TARS3: variants seen among roughly 807,000 people sequenced by gnomAD.
TARS3 encodes the protein threonine--tRNA ligase 2, cytoplasmic.
Under a neutral mutation model 103.5 loss-of-function variants are expected in TARS3, and 94 were observed. That is an observed-to-expected ratio of 0.91 (90% CI 0.77 to 1.08). TARS3 has a LOEUF of 1.08. Ranked by LOEUF, TARS3 falls within the 50% of genes least tolerant of loss-of-function variation. The probability of loss-of-function intolerance (pLI) is 0.00; values close to 1 mark genes in which losing one functional copy is unlikely to be tolerated. For missense variants in TARS3, 952 were observed against 995.2 expected (o/e 0.96, Z 0.58); for synonymous variants, 416 against 355.4 (o/e 1.17, Z -1.92).
intron 5 of TARS3, among the ~76,000 whole-genome samples, chr15:101,709,630 A>G (rs938785741): frequency 6.6e-6 from 1 of 152,100 alleles, no homozygotes; most frequent in Non-Finnish European, 1.5e-5. Context: ...TGATGTTCCT[A>G]TAGTCATCAC....
intron 12 of TARS3, among the ~76,000 whole-genome samples, chr15:101,678,830 C>T (rs545019514): frequency 6.6e-6 from 1 of 152,264 alleles, no homozygotes; most frequent in South Asian, 2.1e-4. Context: ...AGAAAACTTC[C>T]TACAGCCATT....
chr15:101,706,589 A>G (rs1014096651), intron 6 of TARS3, among the ~76,000 whole-genome samples: 1 of 152,204 alleles, frequency 6.6e-6, no homozygotes, highest in Non-Finnish European at 1.5e-5. Flanking sequence ...ATTAATCAAT[A>G]AAATTCTGAC....
chr15:101,700,449 T>C (rs1312736023), intron 10 of TARS3, among the ~76,000 whole-genome samples: 1 of 152,230 alleles, frequency 6.6e-6, no homozygotes, highest in African/African-American at 2.4e-5. Flanking sequence ...TAACACTCTG[T>C]ACCAGAGACG....
intron 7 of TARS3, among the ~76,000 whole-genome samples, chr15:101,705,231 T>G (rs1344997495): frequency 6.6e-6 from 1 of 152,238 alleles, no homozygotes; most frequent in East Asian, 1.9e-4. Flanking sequence ...TCTTTTGGTC[T>G]CATCATGAGT....
chr15:101,666,387 A>C (rs1897580382), intron 15 of TARS3, among the ~76,000 whole-genome samples: 1 of 151,170 alleles, frequency 6.6e-6, no homozygotes, highest in Non-Finnish European at 1.5e-5. Context: ...GAGGCAGAAG[A>C]ATTGCTTGAA....
rs963051549 is a variant in TARS3 at position 101,665,434 on chromosome 15, C to T, written c.1968-3618G>A. On this transcript the variant is annotated intron_variant, in intron 15 of 18. Coordinates refer to ENST00000335968, the MANE Select transcript of TARS3 (RefSeq NM_152334.3). ...TAAAAAATAAAACCCCCAAACTAAG[C>T]AGTTCATCAAAATATTTCAGCCTAC... 2.0e-5 allele frequency among the ~76,000 whole-genome samples: 3 copies of T among 152,286 alleles called. No individual in the cohort carries two copies. In the East Asian group the frequency reaches 5.8e-4, roughly 29 times the overall value.
chr15:101,685,807 T>C, intron 11 of TARS3, 89 bp downstream of exon 11: 1 of 1,090,212 alleles, frequency 9.2e-7, no homozygotes, highest in East Asian at 2.6e-5. Context: ...TTAAAGGGAC[T>C]CTTTCATTCC....
chr15:101,708,519 A>T (rs1352547153), intron 6 of TARS3, among the ~76,000 whole-genome samples: 1 of 152,198 alleles, frequency 6.6e-6, no homozygotes, highest in Non-Finnish European at 1.5e-5. Context: ...TAGGTGACAG[A>T]TATTCACAAT....
chr15:101,660,205 C>T (rs1897325469), intron 16 of TARS3, among the ~76,000 whole-genome samples: 1 of 152,102 alleles, frequency 6.6e-6, no homozygotes, highest in South Asian at 2.1e-4. Flanking sequence ...GCAGTGGGGG[C>T]AGTAGTTTCT....
Position 101,724,136 on chromosome 15 carries a change from C to G in TARS3, c.252G>C (p.Thr84=). 1 of 1,441,148 alleles carries G rather than the reference C, an allele frequency of 6.9e-7. No individual in the cohort carries two copies. Among genetic ancestry groups the G allele is most frequent in the African/African-American group, 1.5e-5 (1 of 67,890 alleles). 89.3% of individuals were successfully genotyped at this position (1,441,148 alleles called of 1,614,324 possible). A position where few individuals can be genotyped will look rare whatever the true frequency, so the allele number is the denominator to read the frequency against. The change falls in exon 1 of 19, where the codon ACG becomes ACC. Residue 84 remains threonine (T), a synonymous_variant. Transcript: ENST00000335968. ...CCGCCTCTAGCTCCGCGCTCTCCAG[C>G]GTGGCCTGGCGGCTCCGCTCCTCGG... is the stretch of plus-strand genomic sequence containing the variant. ...CLAEERSRQA[T]LESAELEAAQ...
chr15:101,674,923 C>G (rs1260921792), intron 13 of TARS3, among the ~76,000 whole-genome samples: 1 of 152,120 alleles, frequency 6.6e-6, no homozygotes, highest in Non-Finnish European at 1.5e-5. Context: ...GGGTTTTGGG[C>G]ATCCACTTGG....
At chr15:101,666,071 A>C (rs1044797372) in intron 15 of TARS3, among the ~76,000 whole-genome samples, 3 of 152,212 alleles carry the variant, frequency 2.0e-5, no homozygotes, top group Admixed American at 2.0e-4. Flanking sequence ...CCTCACTGTA[A>C]GCATCAAAAT....
chr15:101,661,610 ATTTT>A (rs199969469), intron 16 of TARS3, 98 bp downstream of exon 16: 29 of 764,870 alleles, frequency 3.8e-5, no homozygotes, highest in Non-Finnish European at 5.0e-5. Context: ...TTTACACATG[ATTTT>A]TTAAGAATAG....
intron 3 of TARS3, among the ~76,000 whole-genome samples, chr15:101,718,234 G>A (rs1900258688): frequency 6.6e-6 from 1 of 152,106 alleles, no homozygotes; most frequent in African/African-American, 2.4e-5. Context: ...TGGGTGTGGT[G>A]GCGCATGCCT....
chr15:101,676,704 G>A (rs1413510799), intron 12 of TARS3, among the ~76,000 whole-genome samples: 2 of 150,670 alleles, frequency 1.3e-5, no homozygotes. Flanking sequence ...AAGGGGTTTC[G>A]CCATGTTGGC....
intron 16 of TARS3, among the ~76,000 whole-genome samples, chr15:101,660,398 T>C (rs577605766): frequency 1.1e-4 from 16 of 152,366 alleles, no homozygotes; most frequent in Non-Finnish European, 1.9e-4. Flanking sequence ...TCTGAATGCA[T>C]GGTGATAGTA....
In TARS3 at chr15:101,703,852, T is replaced by C; in HGVS notation, c.1074+7A>G. On this transcript the variant is annotated splice_region_variant and intron_variant, in intron 8 of 18. Coordinates refer to ENST00000335968, the MANE Select transcript of TARS3 (RefSeq NM_152334.3). ...GTTTACTGTATTAAAAAAAAATCAA[T>C]CCTTACCTTAAAAATTTTGATGGTT... 1 of 1,601,480 alleles carries C rather than the reference T, an allele frequency of 6.2e-7. No individual in the cohort carries two copies. The highest frequency in any genetic ancestry group is 1.1e-5 in the South Asian group (1 of 90,466).
intron 2 of TARS3, among the ~76,000 whole-genome samples, chr15:101,722,217 CTTTT>C (rs55694230): frequency 1.4e-5 from 2 of 138,712 alleles, no homozygotes; most frequent in Non-Finnish European, 1.5e-5. Context: ...TGGCATCTCC[CTTTT>C]TTTTTTTTTT....
In TARS3 at chr15:101,657,054, A is replaced by AGTAAAGGTGTTT; in HGVS notation, c.2146-19_2146-18insAAACACCTTTAC. 1 of 1,508,878 alleles carries AGTAAAGGTGTTT rather than the reference A, an allele frequency of 6.6e-7. No individual in the cohort carries two copies. The highest frequency in any genetic ancestry group is 9.2e-7 in the Non-Finnish European group (1 of 1,086,988). The allele number at this position is 1,508,878 out of a possible 1,614,324, so 93.5% of individuals were successfully genotyped here. A position where few individuals can be genotyped will look rare whatever the true frequency, so the allele number is the denominator to read the frequency against. Reference sequence around the variant, plus strand: ...CTGGATACCTAGAAGAAAATGAAACACCTTTACTGTTACATTATGGTACCT... The same window carrying AGTAAAGGTGTTT: ...CTGGATACCTAGAAGAAAATGAAACAGTAAAGGTGTTTCCTTTACTGTTACATTATGGTACCT... On this transcript the variant is annotated intron_variant, in intron 17 of 18. Coordinates refer to ENST00000335968, the MANE Select transcript of TARS3 (RefSeq NM_152334.3).
Sources: allele counts gnomAD v4.1 joint callset (sites outside exome capture counted in the v4.1 genomes callset), GRCh38; gene constraint gnomAD v4.1.1; transcripts MANE v1.5; gene names NCBI Gene and HGNC (gene_info 2026-07-23, HGNC 2026-07-21).